FHAD1: variants seen among roughly 807,000 people sequenced by gnomAD.
The protein encoded by FHAD1 is forkhead associated phosphopeptide binding domain 1.
Under a neutral mutation model 191.3 loss-of-function variants are expected in FHAD1, and 146 were observed. The observed-to-expected ratio is 0.76, with a 90% CI of 0.67 to 0.88. The LOEUF is 0.88. Ranked by LOEUF, FHAD1 falls within the 40% of genes least tolerant of loss-of-function variation. The pLI, the probability that FHAD1 is intolerant of heterozygous loss-of-function variation, is 0.00. For synonymous variants in FHAD1, 616 were observed against 672.3 expected, an observed-to-expected ratio of 0.92 and a Z score of 1.29; for missense variants, 1,635 against 1,785.8, an observed-to-expected ratio of 0.92 and a Z score of 1.52.
At chr1:15,238,020 A>C (rs542567908) in intron 1 of FHAD1, among the ~76,000 whole-genome samples, 2 of 152,034 alleles carry the variant, frequency 1.3e-5, no homozygotes, top group African/African-American at 4.8e-5. Flanking sequence ...GGAGGCTGAC[A>C]TGGGCAGATC....
At chr1:15,323,143 A>G (rs1676941891) in intron 10 of FHAD1, among the ~76,000 whole-genome samples, 1 of 152,164 alleles carries the variant, frequency 6.6e-6, no homozygotes. Context: ...GGGAGATACA[A>G]TTGAAGTTGA....
At chr1:15,261,684 T>A (rs10927750) in intron 2 of FHAD1, among the ~76,000 whole-genome samples, 1 of 151,846 alleles carries the variant, frequency 6.6e-6, no homozygotes, top group African/African-American at 2.4e-5. Context: ...TCTTTCCCTC[T>A]GCTCCCAGAC....
chr1:15,374,366 C>A, intron 26 of FHAD1, 136 bp from the exon 27 acceptor site: 1 of 1,019,200 alleles, frequency 9.8e-7, no homozygotes, highest in Non-Finnish European at 1.4e-6. Flanking sequence ...TCTATCTCTG[C>A]TGAAGCCCTA....
Position 15,379,316 on chromosome 1 carries a change from A to C in FHAD1, c.3706-1385A>C, listed in dbSNP as rs181727649. Among the ~76,000 whole-genome samples, 70 of 152,358 alleles carry C rather than the reference A, an allele frequency of 4.6e-4. 1 individual carries two copies. In the East Asian group the frequency reaches 9.6e-3, roughly 21 times the overall value. On this transcript the variant is annotated intron_variant, in intron 28 of 33. Transcript: ENST00000688493. ...GCATCATAGACAAGGTAAAGGATTA[A>C]GTGCTGTGCTTTTAGATATGCATAC...
intron 1 of FHAD1, among the ~76,000 whole-genome samples, chr1:15,250,034 A>G (rs1646583359): frequency 6.6e-6 from 1 of 152,226 alleles, no homozygotes; most frequent in African/African-American, 2.4e-5. Flanking sequence ...GGCACTTACT[A>G]AGGACTCCAT....
chr1:15,396,565 G>A (rs540097598), intron 33 of FHAD1, among the ~76,000 whole-genome samples: 118 of 151,768 alleles, frequency 7.8e-4, no homozygotes, highest in African/African-American at 2.6e-3. Flanking sequence ...TCCTAGCACC[G>A]TGGGAGGCCA....
At position 15,365,481 on chromosome 1, in the gene FHAD1, A is replaced by ATTTTTTTTT. The variant is rs71587751; in HGVS notation, c.3048-334_3048-326dup. On this transcript the variant is annotated intron_variant, in intron 23 of 33. Transcript: ENST00000688493. Reference sequence around the variant, plus strand: ...AGCCACACACCACTATGCCTGGCTAATTTTTTTTTTTTTTTTTTTTGTAGA... The same window carrying ATTTTTTTTT: ...AGCCACACACCACTATGCCTGGCTAATTTTTTTTTTTTTTTTTTTTTTTTTTTTTGTAGA... 2.0e-4 allele frequency among the ~76,000 whole-genome samples: 22 copies of ATTTTTTTTT among 112,784 alleles called. 1 individual carries two copies. Among genetic ancestry groups the ATTTTTTTTT allele is most frequent in the African/African-American group, 5.2e-4 (12 of 23,178 alleles). 74.0% of individuals were successfully genotyped at this position (112,784 alleles called of 152,430 possible). A position where few individuals can be genotyped will look rare whatever the true frequency, so the allele number is the denominator to read the frequency against.
chr1:15,334,359 A>G (rs1390985929), intron 14 of FHAD1: 1 of 150,176 alleles, frequency 6.7e-6, no homozygotes, highest in African/African-American at 2.5e-5. Flanking sequence ...GGGTGCTGTC[A>G]TCGGCTCAGG....
intron 28 of FHAD1, among the ~76,000 whole-genome samples, chr1:15,376,455 G>T (rs1329519531): frequency 2.6e-5 from 4 of 152,170 alleles, no homozygotes; most frequent in Non-Finnish European, 5.9e-5. Context: ...CCATGAGTTT[G>T]CCTAAAGTTT....
At chr1:15,374,954 G>C (rs1182857419) in intron 27 of FHAD1, among the ~76,000 whole-genome samples, 1 of 150,998 alleles carries the variant, frequency 6.6e-6, no homozygotes, top group East Asian at 1.9e-4. Context: ...CGCCTCCCAG[G>C]TTCTAGTGAT....
chr1:15,341,765 GC>G lies in FHAD1; in HGVS notation c.2008del (p.Gln670SerfsTer18), dbSNP rs1346266330. The G allele has an allele frequency of 6.4e-7, 1 of 1,551,448 alleles. No homozygotes were observed. Among genetic ancestry groups the G allele is most frequent in the African/African-American group, 1.4e-5 (1 of 73,022 alleles). The stretch of plus-strand genomic sequence containing the variant: ...AGTTCAACAGTTCTCAGGAAACTCA[GC>G]AGTCTTTACTGCAGGAAAAGCTGCG... The part of the protein sequence containing the change: ...IKFNSSQETQ[Q>X]SLLQEKLREH... On this transcript the variant is annotated frameshift_variant, in exon 16 of 34. Transcript: ENST00000688493. LOFTEE classifies it high-confidence loss of function.
At position 15,284,850 on chromosome 1, in the gene FHAD1, A is replaced by G. The variant is rs1304418331; in HGVS notation, c.301-4549A>G. Among the ~76,000 whole-genome samples, 14 of 152,132 alleles carry G rather than the reference A, an allele frequency of 9.2e-5. No homozygotes were observed. In the East Asian group the frequency reaches 2.1e-3, roughly 23 times the overall value. ...GTGTGGGAGAGATCAGGAAAAGCACATGCGGCCTCAAAAATAAACAAAGAA... is the reference window on the plus strand; with the variant it reads ...GTGTGGGAGAGATCAGGAAAAGCACGTGCGGCCTCAAAAATAAACAAAGAA... On this transcript the variant is annotated intron_variant, in intron 3 of 33. Coordinates refer to ENST00000688493, the MANE Select transcript of FHAD1 (RefSeq NM_001391957.1).
At chr1:15,356,158 A>G (rs892938002) in intron 20 of FHAD1, among the ~76,000 whole-genome samples, 2 of 152,342 alleles carry the variant, frequency 1.3e-5, no homozygotes, top group African/African-American at 4.8e-5. Context: ...GATATTTACT[A>G]TACGATGTGT....
chr1:15,324,747 T>C, intron 11 of FHAD1, 188 bp downstream of exon 11: 1 of 594,600 alleles, frequency 1.7e-6, no homozygotes, highest in Non-Finnish European at 3.0e-6. Context: ...AACAGGTTTC[T>C]GCTGCTGGGA....
At chr1:15,281,760 CAAAAAAAAAAAAAA>C (rs35950054) in intron 3 of FHAD1, among the ~76,000 whole-genome samples, 2 of 64,434 alleles carry the variant, frequency 3.1e-5, no homozygotes, top group Non-Finnish European at 5.7e-5. Context: ...GACACTGTCT[CAAAAAAAAAAAAAA>C]AAAAAAAAAA....
chr1:15,388,198 T>G, intron 32 of FHAD1, 67 bp downstream of exon 32: 6 of 1,044,326 alleles, frequency 5.7e-6, no homozygotes, highest in South Asian at 1.3e-5. Context: ...TAAGAGCTCA[T>G]GGCATGCAAA....
intron 1 of FHAD1, among the ~76,000 whole-genome samples, chr1:15,241,326 G>A (rs1289930684): frequency 6.6e-6 from 1 of 152,180 alleles, no homozygotes; most frequent in African/African-American, 2.4e-5. Flanking sequence ...ACAGAAGATG[G>A]AATTTGTAGG....
chr1:15,266,140 C>T (rs10158712), intron 2 of FHAD1, among the ~76,000 whole-genome samples: 46,007 of 151,746 alleles, frequency 0.3, 7,873 homozygotes, highest in East Asian at 0.55. Flanking sequence ...GACAGGGTCT[C>T]GCTCTGTTGC....
At chr1:15,267,377 C>T (rs141657517) in intron 2 of FHAD1, among the ~76,000 whole-genome samples, 62 of 152,258 alleles carry the variant, frequency 4.1e-4, no homozygotes, top group African/African-American at 1.2e-3. Flanking sequence ...GAAGACTTCA[C>T]GTCTATGTAT....
Sources: gnomAD v4.1 joint callset for allele counts (sites outside exome capture counted in the v4.1 genomes callset) on GRCh38, gnomAD v4.1.1 for gene constraint, MANE v1.5 for transcripts, NCBI Gene and HGNC (gene_info 2026-07-23, HGNC 2026-07-21) for gene names.